Variants in ABR observed in about 807,000 individuals in gnomAD.
ABR encodes the protein ABR activator of RhoGEF and GTPase.
In ABR, 35 loss-of-function variants were observed where a neutral mutation model predicts 107.2. The ratio of observed to expected loss-of-function variants is 0.33; its 90% CI spans 0.25 to 0.43. The LOEUF (loss-of-function observed/expected upper bound fraction) is 0.43. Ranked by LOEUF, ABR falls within the 20% of genes least tolerant of loss-of-function variation. The pLI is 1.00. For synonymous variants in ABR, 498 were observed against 462.0 expected (o/e 1.08, Z -1.00); for missense variants, 815 against 1,115.2 (o/e 0.73, Z 3.83).
rs1424056861 is a variant in ABR at position 1,010,783 on chromosome 17, G to A, written c.2182C>T (p.Leu728=). 6.2e-7 allele frequency: 1 copy of A among 1,613,770 alleles called. No homozygotes were observed. Among genetic ancestry groups the A allele is most frequent in the Non-Finnish European group, 8.5e-7 (1 of 1,180,014 alleles). Residue 728 remains leucine (L), a synonymous_variant, in exon 20 of 23, where the codon CTG becomes TTG. Coordinates refer to ENST00000302538, the MANE Select transcript of ABR (RefSeq NM_021962.5). This position sits in a 1 kb window ranked among gnomAD's most constrained non-coding sequence, Gnocchi z 4.1. ...AGTLKLYFRE[L]PEPLLTDRLY... ...CGGTCCGTGAGGAGCGGCTCGGGCAGTTCCCGGAAGTACAGCTTGAGCGTC... is the reference window on the plus strand; with the variant it reads ...CGGTCCGTGAGGAGCGGCTCGGGCAATTCCCGGAAGTACAGCTTGAGCGTC...
At position 1,078,718 on chromosome 17, in the gene ABR, C is replaced by A. The variant is rs1301051898; in HGVS notation, c.700+612G>T. On this transcript the variant is annotated intron_variant, in intron 6 of 22. Transcript: ENST00000302538. This position sits in a 1 kb window ranked among gnomAD's most constrained non-coding sequence, Gnocchi z 7.5. ...GCCGCTCGCCCACCCTCCTTCCCTGCGGCCCTCTAACCTCCCCGGCCACAT... is the reference window on the plus strand; with the variant it reads ...GCCGCTCGCCCACCCTCCTTCCCTGAGGCCCTCTAACCTCCCCGGCCACAT... 6 of 1,287,186 alleles carry A rather than the reference C, an allele frequency of 4.7e-6. No individual in the cohort carries two copies. Among genetic ancestry groups the A allele is most frequent in the East Asian group, 5.1e-5 (2 of 39,160 alleles). The allele number at this position is 1,287,186 out of a possible 1,614,324, so 79.7% of individuals were successfully genotyped here. A position where few individuals can be genotyped will look rare whatever the true frequency, so the allele number is the denominator to read the frequency against.
intron 1 of ABR, among the ~76,000 whole-genome samples, chr17:1,212,705 C>T (rs558596839): frequency 8.5e-5 from 13 of 152,142 alleles, no homozygotes; most frequent in Admixed American, 2.0e-4. Flanking sequence ...GCCTGATCAA[C>T]ATGGAAAAAC....
chr17:1,072,354 G>A (rs908428559), intron 8 of ABR, among the ~76,000 whole-genome samples: 2 of 152,006 alleles, frequency 1.3e-5, no homozygotes, highest in Non-Finnish European at 2.9e-5. Flanking sequence ...GGAGGCACCC[G>A]GTGCCGCCCG....
At chr17:1,138,741 G>A (rs950923760) in intron 1 of ABR, among the ~76,000 whole-genome samples, 15 of 152,188 alleles carry the variant, frequency 9.9e-5, no homozygotes, top group Non-Finnish European at 2.2e-4. Flanking sequence ...GCCTCCCAAA[G>A]TGCTGGGATT....
In ABR at chr17:1,179,581, GTCCCGA is replaced by G; in HGVS notation, c.61+80_61+85del. 1 of 1,343,650 alleles carries G rather than the reference GTCCCGA, an allele frequency of 7.4e-7. No individual in the cohort carries two copies. The allele number at this position is 1,343,650 out of a possible 1,614,324, so 83.2% of individuals were successfully genotyped here. On this transcript the variant is annotated intron_variant, in intron 1 of 22. Transcript: ENST00000302538. This position sits in a 1 kb window ranked among gnomAD's most constrained non-coding sequence, Gnocchi z 4.9. ...CCTGGGTCCCGATCCCGATCTTGGGGTCCCGATCCCGATCCTGGGGTCCCGATCTCC... is the reference window on the plus strand; with the variant it reads ...CCTGGGTCCCGATCCCGATCTTGGGGTCCCGATCCTGGGGTCCCGATCTCC...
At chr17:1,046,687 G>C (rs1045287725) in intron 16 of ABR, among the ~76,000 whole-genome samples, 1 of 152,200 alleles carries the variant, frequency 6.6e-6, no homozygotes, top group Non-Finnish European at 1.5e-5. Flanking sequence ...CCCTCTGTCC[G>C]GGCTGGGGGA....
intron 1 of ABR, chr17:1,125,737 T>TC (rs2039570434): frequency 3.4e-6 from 1 of 295,630 alleles, no homozygotes; most frequent in Non-Finnish European, 6.2e-6. Flanking sequence ...CCTCTCTGAG[T>TC]CACCATTTTG....
intron 1 of ABR, among the ~76,000 whole-genome samples, chr17:1,165,976 A>AC (rs1478944925): frequency 3.4e-5 from 3 of 87,084 alleles, no homozygotes; most frequent in Admixed American, 3.3e-4. Context: ...CTCAGCTCCC[A>AC]CCCCCCGGAG....
intron 1 of ABR, among the ~76,000 whole-genome samples, chr17:1,166,188 C>T (rs993770601): frequency 1.3e-5 from 2 of 152,106 alleles, no homozygotes; most frequent in African/African-American, 4.8e-5. Flanking sequence ...GAACACCACA[C>T]GTTCAAAGCA....
At chr17:1,016,616 C>A (rs1338865366) in intron 16 of ABR, among the ~76,000 whole-genome samples, 1 of 151,734 alleles carries the variant, frequency 6.6e-6, no homozygotes, top group Non-Finnish European at 1.5e-5. Flanking sequence ...ATGCCTGGCC[C>A]CTACCCCAAC....
At chr17:1,031,866 C>A in intron 16 of ABR, 1 of 1,197,472 alleles carries the variant, frequency 8.4e-7, no homozygotes, top group Non-Finnish European at 1.0e-6. Flanking sequence ...CCCTCCCTCC[C>A]TCCCCGCGCT....
upstream of ABR, among the ~76,000 whole-genome samples, chr17:1,183,307 C>T (rs968895168): frequency 1.3e-5 from 2 of 152,140 alleles, no homozygotes; most frequent in Non-Finnish European, 2.9e-5. Flanking sequence ...TCCACCCTCC[C>T]AGCCCTCCCT....
At chr17:1,032,165 G>A (rs1001106115) in intron 16 of ABR, among the ~76,000 whole-genome samples, 5 of 152,006 alleles carry the variant, frequency 3.3e-5, no homozygotes, top group African/African-American at 4.8e-5. Flanking sequence ...CGGAGGGGCC[G>A]GGGGCCAGGC....
At chr17:1,177,490 C>G (rs1344238856) in intron 1 of ABR, among the ~76,000 whole-genome samples, 1 of 152,234 alleles carries the variant, frequency 6.6e-6, no homozygotes, top group South Asian at 2.1e-4. Context: ...CCCTAAGAGG[C>G]CTTGGCCTAA....
chr17:1,139,542 G>A (rs951178815), intron 1 of ABR, among the ~76,000 whole-genome samples: 30 of 146,702 alleles, frequency 2.0e-4, no homozygotes, highest in South Asian at 1.5e-3. Context: ...GTGAGCCACC[G>A]TGCCCGGCCT....
At chr17:1,178,576 A>AG (rs535515108) in intron 1 of ABR, among the ~76,000 whole-genome samples, 36 of 150,236 alleles carry the variant, frequency 2.4e-4, no homozygotes, top group Middle Eastern at 3.5e-3. Flanking sequence ...AAAAAAAAAA[A>AG]AAAGAAAGAA....
At chr17:1,040,198 G>C (rs894460824) in intron 16 of ABR, among the ~76,000 whole-genome samples, 1 of 152,164 alleles carries the variant, frequency 6.6e-6, no homozygotes, top group African/African-American at 2.4e-5. Context: ...GGGCCCCCAG[G>C]ACGCACGCGC....
chr17:1,009,151 ATCC>A (rs2070303449), intron 21 of ABR, among the ~76,000 whole-genome samples: 1 of 151,594 alleles, frequency 6.6e-6, no homozygotes, highest in African/African-American at 2.4e-5. Flanking sequence ...CTTACAATGT[ATCC>A]TCCTGCTGTC....
At chr17:1,181,845 C>G (rs953460519), upstream of ABR, 3 of 152,382 alleles carry the variant, frequency 2.0e-5, no homozygotes, top group African/African-American at 4.8e-5. Context: ...CAAGAACGCT[C>G]GGGCCCTCTC....
Sources: gnomAD v4.1 joint callset for allele counts (sites outside exome capture counted in the v4.1 genomes callset) on GRCh38, gnomAD v4.1.1 for gene constraint, Gnocchi (gnomAD v3.1) non-coding constraint, MANE v1.5 for transcripts, NCBI Gene and HGNC (gene_info 2026-07-23, HGNC 2026-07-21) for gene names.